FBXW8: variants seen among roughly 807,000 people sequenced by gnomAD.
FBXW8 encodes F-box/WD repeat-containing protein 8.
A neutral mutation model predicts 65.3 loss-of-function variants in FBXW8; 57 were observed. That is an observed-to-expected ratio of 0.87 (90% CI 0.71 to 1.09). FBXW8 has a LOEUF of 1.09. FBXW8 is among the 50% of genes least tolerant of loss of function. The probability of loss-of-function intolerance (pLI) is 0.00; values close to 1 mark genes in which losing one functional copy is unlikely to be tolerated. For missense variants in FBXW8, 777 were observed against 814.8 expected, an observed-to-expected ratio of 0.95 and a Z score of 0.57; for synonymous variants, 308 against 330.2, an observed-to-expected ratio of 0.93 and a Z score of 0.73.
At chr12:116,988,289 C>A (rs1056344592) in intron 6 of FBXW8, among the ~76,000 whole-genome samples, 6 of 152,160 alleles carry the variant, frequency 3.9e-5, no homozygotes, top group African/African-American at 1.4e-4. Flanking sequence ...TCCCTTGATA[C>A]AAGTTGGACA....
At chr12:116,972,918 G>A (rs1465691283) in intron 5 of FBXW8, among the ~76,000 whole-genome samples, 1 of 152,152 alleles carries the variant, frequency 6.6e-6, no homozygotes, top group African/African-American at 2.4e-5. Context: ...AGGAACCAGG[G>A]ATGCTTGGAG....
intron 5 of FBXW8, among the ~76,000 whole-genome samples, chr12:116,981,660 C>T (rs1358738529): frequency 6.6e-6 from 1 of 151,434 alleles, no homozygotes; most frequent in East Asian, 1.9e-4. Flanking sequence ...GTCACCCAGG[C>T]TGGAGTGCAG....
intron 8 of FBXW8, among the ~76,000 whole-genome samples, 178 bp from the exon 9 acceptor site, chr12:117,023,969 C>T (rs551901874): frequency 3.7e-4 from 57 of 152,328 alleles, no homozygotes; most frequent in African/African-American, 1.3e-3. Context: ...CAGATGAGAC[C>T]GTGTGGGTCC....
chr12:117,024,093 G>T, intron 8 of FBXW8, 54 bp from the exon 9 acceptor site: 2 of 1,578,890 alleles, frequency 1.3e-6, no homozygotes, highest in South Asian at 1.1e-5. Context: ...TTTGTCATTT[G>T]AAGCTTTGAC....
At position 117,010,351 on chromosome 12, in the gene FBXW8, G is replaced by A. The variant is rs372814319; in HGVS notation, c.1268G>A (p.Arg423His). Reference protein sequence around the residue: ...KILVYSLEAGRRLLKLGNVLR... With the variant: ...KILVYSLEAGHRLLKLGNVLR... ...CTGGTGTATAGCCTGGAAGCAGGAC[G>A]CCGCCTCTTGAAGCTGGGTAACGTT... Residue 423 changes from arginine to histidine, a missense_variant, in exon 8 of 11, where the codon CGC becomes CAC. Coordinates refer to ENST00000652555, the MANE Select transcript of FBXW8 (RefSeq NM_153348.3). 7.1e-5 allele frequency: 115 copies of A among 1,614,074 alleles called. No individual in the cohort carries two copies. In the African/African-American group the frequency reaches 8.4e-4, roughly 12 times the overall value.
chr12:117,006,501 G>T (rs1029271873), intron 7 of FBXW8, among the ~76,000 whole-genome samples: 1 of 152,254 alleles, frequency 6.6e-6, no homozygotes, highest in African/African-American at 2.4e-5. Context: ...GGATGCTGCG[G>T]GGCCCGCCTG....
At chr12:116,956,389 A>C (rs908508128) in intron 4 of FBXW8, among the ~76,000 whole-genome samples, 6 of 152,162 alleles carry the variant, frequency 3.9e-5, no homozygotes, top group Non-Finnish European at 8.8e-5. Flanking sequence ...TAGATACAAA[A>C]CAAAACTGCC....
At chr12:116,918,668 G>A (rs1880629200) in intron 1 of FBXW8, among the ~76,000 whole-genome samples, 1 of 152,180 alleles carries the variant, frequency 6.6e-6, no homozygotes, top group African/African-American at 2.4e-5. Flanking sequence ...CCACCTTTCA[G>A]CCAATCACTG....
chr12:116,922,009 G>A (rs1018290116), intron 1 of FBXW8, among the ~76,000 whole-genome samples: 1 of 151,504 alleles, frequency 6.6e-6, no homozygotes, highest in African/African-American at 2.4e-5. Context: ...TTTTTATTTT[G>A]TCTAGAGACA....
chr12:116,929,179 A>G (rs1226564887), intron 2 of FBXW8, among the ~76,000 whole-genome samples: 1 of 152,108 alleles, frequency 6.6e-6, no homozygotes, highest in African/African-American at 2.4e-5. Context: ...GCAAAGGTTT[A>G]TGCCATTAAC....
At chr12:116,914,039 G>C (rs913721481) in intron 1 of FBXW8, among the ~76,000 whole-genome samples, 1 of 152,144 alleles carries the variant, frequency 6.6e-6, no homozygotes, top group African/African-American at 2.4e-5. Context: ...TGGAGGCCAA[G>C]CCAGGAGGAT....
chr12:116,932,128 A>G (rs1017669060), intron 2 of FBXW8, among the ~76,000 whole-genome samples: 7 of 152,042 alleles, frequency 4.6e-5, no homozygotes, highest in African/African-American at 1.7e-4. Flanking sequence ...CTGTTAATGC[A>G]TTGTATTACA....
chr12:116,955,810 AG>A (rs1174916308), intron 4 of FBXW8, among the ~76,000 whole-genome samples: 1 of 152,146 alleles, frequency 6.6e-6, no homozygotes, highest in Non-Finnish European at 1.5e-5. Flanking sequence ...AGTTCAAAAA[AG>A]ACAGTATAAA....
chr12:116,946,040 G>T (rs1407391551), intron 3 of FBXW8, among the ~76,000 whole-genome samples: 1 of 152,192 alleles, frequency 6.6e-6, no homozygotes, highest in Non-Finnish European at 1.5e-5. Context: ...TTAGATCACA[G>T]CTAAGAATTT....
At chr12:116,915,257 A>G (rs766452759) in intron 1 of FBXW8, among the ~76,000 whole-genome samples, 60 of 152,336 alleles carry the variant, frequency 3.9e-4, no homozygotes, top group South Asian at 6.2e-4. Context: ...CCAGCTCATC[A>G]GGTGTTTTTA....
intron 2 of FBXW8, among the ~76,000 whole-genome samples, chr12:116,937,004 C>T (rs1882211792): frequency 1.3e-5 from 2 of 151,998 alleles, no homozygotes; most frequent in South Asian, 4.2e-4. Flanking sequence ...AGTTAGGAGG[C>T]CACTGAAGTA....
rs1217334965 is a variant in FBXW8 at position 116,945,561 on chromosome 12, G to C, written c.588+33G>C. 8 of 1,596,772 alleles carry C rather than the reference G, an allele frequency of 5.0e-6. No homozygotes were observed. In the African/African-American group the frequency reaches 9.4e-5, roughly 19 times the overall value. On this transcript the variant is annotated intron_variant, in intron 3 of 10. Transcript: ENST00000652555. Reference sequence around the variant, plus strand: ...GTGGCCAATATCATTACCTGTGAAAGAATAGCCTGCAAGGACATGGGAATC... The same window carrying C: ...GTGGCCAATATCATTACCTGTGAAACAATAGCCTGCAAGGACATGGGAATC...
intron 8 of FBXW8, among the ~76,000 whole-genome samples, chr12:117,019,211 G>A (rs1014451130): frequency 7.2e-5 from 11 of 152,156 alleles, no homozygotes; most frequent in Non-Finnish European, 1.3e-4. Flanking sequence ...TTGTAGCAAC[G>A]GACCTATTAT....
At chr12:116,964,647 G>C in intron 4 of FBXW8, 50 bp from the exon 5 acceptor site, 1 of 1,607,510 alleles carries the variant, frequency 6.2e-7, no homozygotes, top group South Asian at 1.1e-5. Flanking sequence ...CCCCACCATA[G>C]CCCTGCTCTT....
Sources: allele counts gnomAD v4.1 joint callset (sites outside exome capture counted in the v4.1 genomes callset), GRCh38; gene constraint gnomAD v4.1.1; transcripts MANE v1.5; gene names NCBI Gene and HGNC (gene_info 2026-07-23, HGNC 2026-07-21).